Variants in NTRK1 observed in about 807,000 individuals in gnomAD.
The protein encoded by NTRK1 is neurotrophic receptor tyrosine kinase 1.
NTRK1 carries 62 observed loss-of-function variants against 86.8 expected under a neutral mutation model. The observed-to-expected ratio is 0.71, with a 90% confidence interval of 0.58 to 0.88. The LOEUF is 0.88. NTRK1 is among the 40% of genes least tolerant of loss of function. The pLI is 0.00. For synonymous variants in NTRK1, 469 were observed against 456.6 expected, an observed-to-expected ratio of 1.03 and a Z score of -0.35; for missense variants, 967 against 1,078.4, an observed-to-expected ratio of 0.90 and a Z score of 1.45.
At chr1:156,849,362 G>A in intron 2 of NTRK1, 1 of 1,613,980 alleles carries the variant, frequency 6.2e-7, no homozygotes. Flanking sequence ...CGGGTTGAAG[G>A]CGAAGTAGAT....
chr1:156,876,214 A>G lies in NTRK1; in HGVS notation c.1632+4A>G, dbSNP rs886045372. On this transcript the variant is annotated splice_donor_region_variant and intron_variant, in intron 13 of 16. Coordinates refer to ENST00000524377, the MANE Select transcript of NTRK1 (RefSeq NM_002529.4). ...CAAGATGCTGGTGGCTGTCAAGGTG[A>G]GACCCTGCCCCGGGGGGTACTGCTG... The G allele has an allele frequency of 3.1e-6, 5 of 1,613,872 alleles. No homozygotes were observed. The highest frequency in any genetic ancestry group is 4.2e-6 in the Non-Finnish European group (5 of 1,180,010).
chr1:156,858,700 G>T (rs980795442), upstream of NTRK1: 1 of 1,197,596 alleles, frequency 8.4e-7, no homozygotes, highest in Non-Finnish European at 1.2e-6. Flanking sequence ...AGCCCTAAGG[G>T]ACACAGAGAC....
chr1:156,822,476 C>T (rs1654214523), intron 1 of NTRK1, among the ~76,000 whole-genome samples: 1 of 152,052 alleles, frequency 6.6e-6, no homozygotes, highest in Admixed American at 6.5e-5. Context: ...GTGGAAAAAT[C>T]GCTTGAGCCC....
At chr1:156,832,705 C>A (rs777615987) in intron 1 of NTRK1, among the ~76,000 whole-genome samples, 1 of 152,206 alleles carries the variant, frequency 6.6e-6, no homozygotes, top group Non-Finnish European at 1.5e-5. Flanking sequence ...TTTGTGCTTA[C>A]CTCATTGGCA....
intron 1 of NTRK1, among the ~76,000 whole-genome samples, chr1:156,827,141 G>A (rs1201038786): frequency 2.0e-5 from 3 of 151,552 alleles, no homozygotes; most frequent in South Asian, 2.1e-4. Flanking sequence ...GGAGTACAGT[G>A]GCACAATCAC....
intron 2 of NTRK1, chr1:156,845,686 C>T (rs774011549): frequency 1.2e-6 from 2 of 1,611,852 alleles, no homozygotes; most frequent in Non-Finnish European, 8.5e-7. Context: ...TCTTGCGCCT[C>T]CAGCGGGGGC....
chr1:156,846,457 G>T (rs1247733599), intron 2 of NTRK1: 2 of 1,345,738 alleles, frequency 1.5e-6, no homozygotes, highest in Non-Finnish European at 2.1e-6. Context: ...TCTGGTGCCT[G>T]TGCTCCCCTG....
At chr1:156,858,735 G>A, upstream of NTRK1, 11 of 840,888 alleles carry the variant, frequency 1.3e-5, no homozygotes, top group Non-Finnish European at 2.2e-5. Flanking sequence ...GAGAGGGAGG[G>A]CAGGGGCAGA....
intron 2 of NTRK1, chr1:156,845,028 C>G (rs760905929): frequency 1.3e-6 from 2 of 1,564,020 alleles, no homozygotes; most frequent in East Asian, 2.3e-5. Context: ...TGCACAGGGT[C>G]CTTGGGGTCG....
chr1:156,817,985 A>G (rs574191322), intron 1 of NTRK1, among the ~76,000 whole-genome samples: 1 of 152,286 alleles, frequency 6.6e-6, no homozygotes, highest in South Asian at 2.1e-4. Flanking sequence ...ACTTCCCACC[A>G]TACCAAAGGA....
intron 1 of NTRK1, chr1:156,841,774 C>T (rs367830047): frequency 2.1e-5 from 34 of 1,614,024 alleles, no homozygotes; most frequent in Middle Eastern, 1.6e-4. Flanking sequence ...GTCTCATACA[C>T]GTCCCGAGTC....
At position 156,868,594 on chromosome 1, in the gene NTRK1, C is replaced by T; in HGVS notation, c.664C>T (p.Leu222=). 6.4e-7 allele frequency: 1 copy of T among 1,551,656 alleles called. No individual in the cohort carries two copies. The highest frequency in any genetic ancestry group is 8.7e-7 in the Non-Finnish European group (1 of 1,147,294). The part of the protein sequence containing the change: ...LLRCQVEGRG[L]EQAGWILTEL... ...GCGGTGCCAGGTGGAGGGGCGGGGC[C>T]TGGAGCAGGCCGGCTGGATCCTCAC... Residue 222 remains leucine, a synonymous_variant, in exon 6 of 17, where the codon CTG becomes TTG. Coordinates refer to ENST00000524377, the MANE Select transcript of NTRK1 (RefSeq NM_002529.4).
chr1:156,841,275 C>T (rs910226547), intron 1 of NTRK1: 8 of 1,079,952 alleles, frequency 7.4e-6, no homozygotes, highest in Non-Finnish European at 1.1e-5. Context: ...GGGTGGCGCT[C>T]ATAGCTGAGG....
upstream of NTRK1, among the ~76,000 whole-genome samples, chr1:156,857,518 C>T (rs1327683130): frequency 6.6e-6 from 1 of 152,234 alleles, no homozygotes; most frequent in East Asian, 1.9e-4. Context: ...CAAGGATGTG[C>T]TCCTGTCCTG....
intron 1 of NTRK1, among the ~76,000 whole-genome samples, chr1:156,831,692 G>A (rs1396897283): frequency 6.6e-6 from 1 of 152,198 alleles, no homozygotes; most frequent in Non-Finnish European, 1.5e-5. Context: ...AGAACCCAAG[G>A]AGGCTCCAGA....
At chr1:156,848,222 C>A (rs571934212) in intron 2 of NTRK1, among the ~76,000 whole-genome samples, 1 of 152,244 alleles carries the variant, frequency 6.6e-6, no homozygotes, top group Admixed American at 6.5e-5. Context: ...AGACCCTGAG[C>A]CAGTGGTCAG....
At chr1:156,830,807 G>A (rs1222929225) in intron 1 of NTRK1, among the ~76,000 whole-genome samples, 1 of 152,106 alleles carries the variant, frequency 6.6e-6, no homozygotes, top group Non-Finnish European at 1.5e-5. Context: ...CGGCCACCTC[G>A]GCCTCCCAAA....
At chr1:156,829,303 G>C (rs551846876) in intron 1 of NTRK1, among the ~76,000 whole-genome samples, 1 of 152,286 alleles carries the variant, frequency 6.6e-6, no homozygotes, top group Non-Finnish European at 1.5e-5. Flanking sequence ...CCACCACCTA[G>C]AGCACACAGC....
intron 1 of NTRK1, among the ~76,000 whole-genome samples, chr1:156,827,270 AT>A (rs55956245): frequency 3.4e-4 from 50 of 145,066 alleles, no homozygotes; most frequent in Non-Finnish European, 7.2e-4. Context: ...TTATTTTTTT[AT>A]TTTTTTTTGA....
Sources: gnomAD v4.1 joint callset for allele counts (sites outside exome capture counted in the v4.1 genomes callset) on GRCh38, gnomAD v4.1.1 for gene constraint, MANE v1.5 for transcripts, NCBI Gene and HGNC (gene_info 2026-07-23, HGNC 2026-07-21) for gene names.